FGF13: variants seen among roughly 807,000 people sequenced by gnomAD.
FGF13 encodes the protein fibroblast growth factor 13.
A neutral mutation model predicts 19.5 loss-of-function variants in FGF13; 2 were observed. The ratio of observed to expected loss-of-function variants is 0.10; its 90% confidence interval spans 0.04 to 0.32. The LOEUF (loss-of-function observed/expected upper bound fraction) is 0.32, where lower values mean the gene tolerates loss of function less well. Among genes scored for constraint, FGF13 ranks in the 10% least tolerant of loss-of-function variants. The pLI is 1.00. For synonymous variants in FGF13, 72 were observed against 76.9 expected (o/e 0.94, Z 0.33); for missense variants, 113 against 192.7 (o/e 0.59, Z 2.45).
At chrX:139,030,850 T>G (rs2092223956) in intron 1 of FGF13, among the ~76,000 whole-genome samples, 1 of 112,261 alleles carries the variant, frequency 8.9e-6, no homozygotes. Flanking sequence ...TTGTCACTTC[T>G]GCCACATTCA....
At chrX:139,063,848 C>A (rs762902902) in intron 1 of FGF13, among the ~76,000 whole-genome samples, 10 of 111,286 alleles carry the variant, frequency 9.0e-5, no homozygotes, top group African/African-American at 3.3e-4. Context: ...GTATACAGGT[C>A]CATTGGATCA....
chrX:138,977,211 C>T (rs1033606538), intron 1 of FGF13, among the ~76,000 whole-genome samples: 1 of 111,527 alleles, frequency 9.0e-6, no homozygotes, highest in Admixed American at 9.5e-5. Flanking sequence ...GTGGTCTGGC[C>T]GGTACTTCTT....
At chrX:139,067,808 C>T (rs1034783582) in intron 1 of FGF13, among the ~76,000 whole-genome samples, 1 of 111,237 alleles carries the variant, frequency 9.0e-6, no homozygotes, top group African/African-American at 3.3e-5. Context: ...TGTTCATTTC[C>T]TTTGCCCACT....
intron 3 of FGF13, among the ~76,000 whole-genome samples, chrX:138,666,600 A>G (rs2089548257): frequency 9.0e-6 from 1 of 111,480 alleles, no homozygotes; most frequent in Non-Finnish European, 1.9e-5. Context: ...CTTTCTGGAC[A>G]TAAGTTTCCT....
chrX:139,032,542 G>A (rs778522980), intron 1 of FGF13, among the ~76,000 whole-genome samples: 86 of 110,778 alleles, frequency 7.8e-4, no homozygotes, highest in Non-Finnish European at 1.5e-3. Flanking sequence ...GAGTTGTTTG[G>A]GAATAAGAGT....
At chrX:139,052,953 A>G (rs1358015978) in intron 1 of FGF13, among the ~76,000 whole-genome samples, 4 of 110,834 alleles carry the variant, frequency 3.6e-5, no homozygotes, top group African/African-American at 1.3e-4. Flanking sequence ...TGCACCCATC[A>G]CACAAGCTGT....
intron 1 of FGF13, among the ~76,000 whole-genome samples, chrX:139,028,612 T>A (rs199591928): frequency 1.8e-5 from 1 of 54,054 alleles, no homozygotes; most frequent in African/African-American, 7.6e-5. Context: ...TGTGTGTGTG[T>A]GTGTGAGAGA....
At chrX:139,175,178 C>A (rs1220676377) in intron 1 of FGF13, among the ~76,000 whole-genome samples, 2 of 111,512 alleles carry the variant, frequency 1.8e-5, no homozygotes, top group East Asian at 5.6e-4. Context: ...GGAGTTCACT[C>A]ATGACTTGGC....
In FGF13 at chrX:138,615,337, T is replaced by C; in HGVS notation, c.*17513A>G. 8.9e-6 allele frequency: 1 copy of C among 112,335 alleles called. No individual in the cohort carries two copies. Among genetic ancestry groups the C allele is most frequent in the Non-Finnish European group, 1.9e-5 (1 of 53,238 alleles). The allele number at this position is 112,335 out of a possible 1,213,427, so 9.3% of individuals were successfully genotyped here. ...AACTAGATAAAGGGCATATAGCACT[T>C]CCCTATACTCTTTGCATCTTCCTTT... On this transcript the variant is annotated 3_prime_UTR_variant, in exon 5 of 5. Transcript: ENST00000315930.
intron 1 of FGF13, among the ~76,000 whole-genome samples, chrX:138,931,788 C>T (rs975107556): frequency 1.8e-5 from 2 of 112,235 alleles, no homozygotes; most frequent in Non-Finnish European, 3.8e-5. Context: ...ACCCTAAATA[C>T]ATATGTGTCT....
chrX:138,736,412 T>G lies in FGF13; in HGVS notation c.28+2830A>C, dbSNP rs764880052. Reference sequence around the variant, plus strand: ...CCAAAGAAAATATAAAGAAATATTTTCTAGTGGTCTATACAGCCATTTTGG... The same window carrying G: ...CCAAAGAAAATATAAAGAAATATTTGCTAGTGGTCTATACAGCCATTTTGG... On this transcript the variant is annotated intron_variant, in intron 1 of 4. Coordinates refer to the FGF13 transcript ENST00000305414. Among the ~76,000 whole-genome samples the G allele has an allele frequency of 5.4e-5, 6 of 111,954 alleles. No individual in the cohort carries two copies. The Admixed American group carries it at 5.7e-4, about 11-fold the overall frequency.
At chrX:139,112,970 T>TTG (rs2083613805) in intron 1 of FGF13, among the ~76,000 whole-genome samples, 1 of 84,538 alleles carries the variant, frequency 1.2e-5, no homozygotes, top group Non-Finnish European at 2.3e-5. Flanking sequence ...CTTGATTATG[T>TTG]AGTGTGTGTG....
chrX:138,667,289 A>G lies in FGF13; in HGVS notation c.403-31634T>C, dbSNP rs558086600. ...TATATATATAGAGAGAGAGAGAGAA[A>G]GAAAGACAAAGACAGAGAGAGAGAG... On this transcript the variant is annotated intron_variant, in intron 3 of 4. Coordinates refer to ENST00000315930, the MANE Select transcript of FGF13 (RefSeq NM_004114.5). Among the ~76,000 whole-genome samples, 80 of 108,605 alleles carry G rather than the reference A, an allele frequency of 7.4e-4. No homozygotes were observed. In the South Asian group the frequency reaches 0.03, roughly 40 times the overall value. The allele number at this position is 108,605 out of a possible 115,157, so 94.3% of individuals were successfully genotyped here.
intron 1 of FGF13, among the ~76,000 whole-genome samples, chrX:139,070,259 C>CA (rs756758760): frequency 9.0e-6 from 1 of 111,438 alleles, no homozygotes; most frequent in Non-Finnish European, 1.9e-5. Context: ...CCAGGATCTA[C>CA]AAAAAATTTA....
intron 1 of FGF13, among the ~76,000 whole-genome samples, chrX:139,185,426 G>C (rs1177218381): frequency 8.9e-6 from 1 of 112,259 alleles, no homozygotes; most frequent in Non-Finnish European, 1.9e-5. Flanking sequence ...GTCAATAGCA[G>C]TTCCAATTCC....
chrX:139,105,401 A>T (rs1176080296), intron 1 of FGF13, among the ~76,000 whole-genome samples: 1 of 111,108 alleles, frequency 9.0e-6, no homozygotes, highest in African/African-American at 3.3e-5. Flanking sequence ...AAGATTCTTT[A>T]TGTTCTCGTC....
chrX:139,124,477 T>A (rs1876943023), intron 1 of FGF13, among the ~76,000 whole-genome samples: 1 of 111,724 alleles, frequency 9.0e-6, no homozygotes, highest in Non-Finnish European at 1.9e-5. Context: ...TCCATCCTCA[T>A]ACACTACTTT....
At chrX:138,885,393 C>T (rs941340875) in intron 1 of FGF13, among the ~76,000 whole-genome samples, 12 of 111,487 alleles carry the variant, frequency 1.1e-4, no homozygotes, top group South Asian at 3.8e-4. Context: ...TAGCAAACAA[C>T]GCTCCAAGTA....
intron 3 of FGF13, among the ~76,000 whole-genome samples, chrX:138,831,827 TCCTACCCTCCA>T (rs1251460142): frequency 9.0e-6 from 1 of 111,529 alleles, no homozygotes; most frequent in African/African-American, 3.3e-5. Flanking sequence ...CTCTCCCTCC[TCCTACCCTCCA>T]CCTTCTGAAA....
Sources: allele counts gnomAD v4.1 joint callset (sites outside exome capture counted in the v4.1 genomes callset), GRCh38; gene constraint gnomAD v4.1.1; transcripts MANE v1.5; gene names NCBI Gene and HGNC (gene_info 2026-07-23, HGNC 2026-07-21).